TNNI3K: variants seen among roughly 807,000 people sequenced by gnomAD.
TNNI3K encodes serine/threonine-protein kinase TNNI3K.
In TNNI3K, 140 loss-of-function variants were observed where a neutral mutation model predicts 114.5. The ratio of observed to expected loss-of-function variants is 1.22; its 90% CI spans 1.07 to 1.41. TNNI3K has a LOEUF of 1.41. Among genes scored for constraint, TNNI3K ranks in the 40% most tolerant of loss-of-function variants. The probability of loss-of-function intolerance (pLI) is 0.00; values close to 1 mark genes in which losing one functional copy is unlikely to be tolerated. For missense variants in TNNI3K, 1,125 were observed against 1,007.6 expected (o/e 1.12, Z -1.58); for synonymous variants, 347 against 347.5 (o/e 1.00, Z 0.02).
intron 23 of TNNI3K, among the ~76,000 whole-genome samples, chr1:74,515,850 A>T (rs1646341090): frequency 6.6e-6 from 1 of 152,172 alleles, no homozygotes; most frequent in South Asian, 2.1e-4. Context: ...TAGACTGGAG[A>T]TCATTAGTTA....
At chr1:74,465,308 G>C (rs570896476) in intron 21 of TNNI3K, among the ~76,000 whole-genome samples, 4 of 152,208 alleles carry the variant, frequency 2.6e-5, no homozygotes, top group Non-Finnish European at 5.9e-5. Flanking sequence ...ACCAGCTGGC[G>C]CTCGGGTGCC....
chr1:74,478,681 T>C (rs1668326533), intron 21 of TNNI3K, among the ~76,000 whole-genome samples: 1 of 152,222 alleles, frequency 6.6e-6, no homozygotes, highest in Admixed American at 6.5e-5. Flanking sequence ...GCAGTGAGTA[T>C]ACCTGTTTCA....
intron 4 of TNNI3K, 112 bp from the exon 5 acceptor site, chr1:74,271,486 T>G: frequency 1.0e-6 from 1 of 963,732 alleles, no homozygotes. Flanking sequence ...ACACTTAAGT[T>G]TCCTTTGAGC....
intron 17 of TNNI3K, chr1:74,371,149 T>G (rs1662576848): frequency 6.6e-6 from 1 of 151,884 alleles, no homozygotes; most frequent in African/African-American, 2.4e-5. Flanking sequence ...CATCAATCAC[T>G]TTCATTTTAT....
Position 74,367,977 on chromosome 1 carries a change from T to C in TNNI3K, c.1321+13T>C. 1 of 1,546,758 alleles carries C rather than the reference T, an allele frequency of 6.5e-7. No individual in the cohort carries two copies. Among genetic ancestry groups the C allele is most frequent in the Non-Finnish European group, 8.7e-7 (1 of 1,153,760 alleles). On this transcript the variant is annotated intron_variant, in intron 13 of 24. Transcript: ENST00000326637. Reference sequence around the variant, plus strand: ...AGCATGACAAAAGGTACCTATAATCTGGGACAATTGTTATATTTAATTACT... The same window carrying C: ...AGCATGACAAAAGGTACCTATAATCCGGGACAATTGTTATATTTAATTACT...
At chr1:74,253,384 A>AG (rs1208604509) in intron 4 of TNNI3K, among the ~76,000 whole-genome samples, 2 of 152,106 alleles carry the variant, frequency 1.3e-5, no homozygotes. Context: ...ACTGTGGAGC[A>AG]GGGGGCAGCA....
intron 23 of TNNI3K, among the ~76,000 whole-genome samples, chr1:74,512,001 A>C (rs975846306): frequency 6.6e-6 from 1 of 152,206 alleles, no homozygotes; most frequent in Non-Finnish European, 1.5e-5. Context: ...TACCCAAGGA[A>C]AATCGGAAGG....
At chr1:74,380,802 C>T (rs1345570380) in intron 17 of TNNI3K, among the ~76,000 whole-genome samples, 3 of 152,126 alleles carry the variant, frequency 2.0e-5, no homozygotes, top group East Asian at 3.9e-4. Context: ...TTAATGCTGC[C>T]GTGTGGTAAT....
intron 23 of TNNI3K, among the ~76,000 whole-genome samples, chr1:74,511,873 C>G (rs1670244140): frequency 6.6e-6 from 1 of 152,152 alleles, no homozygotes; most frequent in South Asian, 2.1e-4. Flanking sequence ...AAAGTGGGAA[C>G]CTGCACAGTA....
intron 4 of TNNI3K, among the ~76,000 whole-genome samples, chr1:74,254,149 T>C (rs1655131743): frequency 6.6e-6 from 1 of 152,208 alleles, no homozygotes; most frequent in Non-Finnish European, 1.5e-5. Context: ...TTGCATTTTG[T>C]CCCATTTCCA....
intron 5 of TNNI3K, among the ~76,000 whole-genome samples, chr1:74,331,018 G>A (rs993902723): frequency 6.6e-6 from 1 of 152,080 alleles, no homozygotes; most frequent in Non-Finnish European, 1.5e-5. Flanking sequence ...TTTCAGCCAG[G>A]CAGATGGCAA....
intron 9 of TNNI3K, among the ~76,000 whole-genome samples, chr1:74,350,357 T>G (rs1661271096): frequency 6.6e-6 from 1 of 152,212 alleles, no homozygotes; most frequent in Non-Finnish European, 1.5e-5. Flanking sequence ...TTCTGTTCTT[T>G]TACATTTGCT....
chr1:74,483,944 C>G (rs1464553466), intron 21 of TNNI3K, among the ~76,000 whole-genome samples: 5 of 152,082 alleles, frequency 3.3e-5, no homozygotes, highest in African/African-American at 1.2e-4. Context: ...CTCTACTTAG[C>G]TTTGAATTCA....
chr1:74,387,670 A>G (rs1216100917), intron 17 of TNNI3K, among the ~76,000 whole-genome samples: 2 of 152,232 alleles, frequency 1.3e-5, no homozygotes, highest in African/African-American at 4.8e-5. Flanking sequence ...ACCTGTAACC[A>G]AAATATAGCA....
chr1:74,533,363 T>C (rs867812621), intron 23 of TNNI3K, among the ~76,000 whole-genome samples: 1 of 152,152 alleles, frequency 6.6e-6, no homozygotes, highest in African/African-American at 2.4e-5. Flanking sequence ...CACAATGACA[T>C]ACCATCTCAC....
At chr1:74,475,619 C>A (rs1457705252) in intron 21 of TNNI3K, 1 of 717,238 alleles carries the variant, frequency 1.4e-6, no homozygotes, top group Admixed American at 2.0e-5. Flanking sequence ...GTGGACATGA[C>A]CTTTATCTCG....
At chr1:74,532,762 A>T (rs865947689) in intron 23 of TNNI3K, among the ~76,000 whole-genome samples, 26 of 152,172 alleles carry the variant, frequency 1.7e-4, no homozygotes, top group African/African-American at 5.5e-4. Context: ...ATAATGCTGC[A>T]TATCTACAAC....
At position 74,450,600 on chromosome 1, in the gene TNNI3K, A is replaced by G. The variant is rs192898334; in HGVS notation, c.2011+10978A>G. 9.2e-5 allele frequency among the ~76,000 whole-genome samples: 14 copies of G among 152,338 alleles called. No individual in the cohort carries two copies. The East Asian group carries it at 2.5e-3, about 27-fold the overall frequency. ...AAGTGGGCAAAGGACATGAACAGAC[A>G]TGTCTCAAAAGAAGACATTTGTGCG... On this transcript the variant is annotated intron_variant, in intron 20 of 24. Coordinates refer to ENST00000326637, the MANE Select transcript of TNNI3K (RefSeq NM_015978.3).
At chr1:74,249,344 T>G (rs182532354) in intron 2 of TNNI3K, 115 bp from the exon 3 acceptor site, 209 of 1,089,462 alleles carry the variant, frequency 1.9e-4, no homozygotes, top group East Asian at 4.2e-4. Context: ...AAAATAATCT[T>G]AGAAAAAATA....
Sources: allele counts gnomAD v4.1 joint callset (sites outside exome capture counted in the v4.1 genomes callset), GRCh38; gene constraint gnomAD v4.1.1; transcripts MANE v1.5; gene names NCBI Gene and HGNC (gene_info 2026-07-23, HGNC 2026-07-21).